The following SCN9A variants were observed in gnomAD, a reference collection of about 807,000 sequenced individuals.
SCN9A encodes the protein sodium channel protein type 9 subunit alpha.
Under a neutral mutation model 187.0 loss-of-function variants are expected in SCN9A, and 131 were observed. The observed-to-expected ratio is 0.70, with a 90% CI of 0.61 to 0.81. The LOEUF (loss-of-function observed/expected upper bound fraction) is 0.81, where lower values mean the gene tolerates loss of function less well. Among genes scored for constraint, SCN9A ranks in the 30% least tolerant of loss-of-function variants. The probability of loss-of-function intolerance (pLI) is 0.00; values close to 1 mark genes in which losing one functional copy is unlikely to be tolerated. For synonymous variants in SCN9A, 809 were observed against 808.6 expected, an observed-to-expected ratio of 1.00 and a Z score of -0.01; for missense variants, 2,252 against 2,396.6, an observed-to-expected ratio of 0.94 and a Z score of 1.26.
In SCN9A at chr2:166,286,573, A is replaced by G. The variant is rs201652242; in HGVS notation, c.1365T>C (p.Ile455=). 1.9e-6 allele frequency: 3 copies of G among 1,599,332 alleles called. No individual in the cohort carries two copies. Among genetic ancestry groups the G allele is most frequent in the Non-Finnish European group, 2.6e-6 (3 of 1,175,038 alleles). ...AEYTSIRRSR[I]MGLSESSSET... ...CAGAAGAACTCTCTGAGAGGCCCAT[A>G]ATTCTGCTTCTCCTAATACTTGTAT... The change falls in exon 11 of 27, where the codon ATT becomes ATC. Residue 455 remains isoleucine (I), a synonymous_variant. Transcript: ENST00000642356.
At position 166,269,617 on chromosome 2, in the gene SCN9A, T is replaced by C. The variant is rs887059563; in HGVS notation, c.3351+2782A>G. Among the ~76,000 whole-genome samples the C allele has an allele frequency of 5.3e-5, 8 of 152,146 alleles. 1 individual carries two copies. The East Asian group carries it at 1.6e-3, about 29-fold the overall frequency. ...AATAAAATCACTTCCTTTTAATGAGTCTGCTTTTTCAGTTAGAAAATGAAG... is the reference window on the plus strand; with the variant it reads ...AATAAAATCACTTCCTTTTAATGAGCCTGCTTTTTCAGTTAGAAAATGAAG... On this transcript the variant is annotated intron_variant, in intron 17 of 26. Coordinates refer to ENST00000642356, the MANE Select transcript of SCN9A (RefSeq NM_001365536.1).
At chr2:166,375,156 G>A (rs1270396265) in intron 1 of SCN9A, among the ~76,000 whole-genome samples, 2 of 152,098 alleles carry the variant, frequency 1.3e-5, no homozygotes, top group Non-Finnish European at 2.9e-5. Flanking sequence ...AATAATCTGC[G>A]CTGAGAAATA....
intron 17 of SCN9A, among the ~76,000 whole-genome samples, chr2:166,270,463 G>A (rs1696926324): frequency 6.6e-6 from 1 of 151,672 alleles, no homozygotes; most frequent in Non-Finnish European, 1.5e-5. Context: ...GGGATGACTA[G>A]ATTTGATTCC....
At position 166,299,603 on chromosome 2, in the gene SCN9A, G is replaced by T. The variant is rs993428901; in HGVS notation, c.901+3487C>A. ...TACCTGAATTCTAAATGTCAGAGTTGTAGATCTTGGTACCAGATTGCTTTA... is the reference window on the plus strand; with the variant it reads ...TACCTGAATTCTAAATGTCAGAGTTTTAGATCTTGGTACCAGATTGCTTTA... On this transcript the variant is annotated intron_variant, in intron 7 of 26. Transcript: ENST00000642356. 6.0e-5 allele frequency among the ~76,000 whole-genome samples: 9 copies of T among 150,576 alleles called. 1 individual carries two copies. Among genetic ancestry groups the T allele is most frequent in the Admixed American group, 2.0e-4 (3 of 15,188 alleles).
At chr2:166,357,135 C>T (rs1700168518) in intron 1 of SCN9A, among the ~76,000 whole-genome samples, 1 of 152,076 alleles carries the variant, frequency 6.6e-6, no homozygotes, top group South Asian at 2.1e-4. Flanking sequence ...TCCAATGGGC[C>T]CCAGTGTGTG....
chr2:166,323,415 C>T (rs1043203894), intron 1 of SCN9A, among the ~76,000 whole-genome samples: 4 of 152,080 alleles, frequency 2.6e-5, no homozygotes, highest in Admixed American at 6.5e-5. Context: ...CTTTCATCCC[C>T]AAGGTACTAT....
chr2:166,301,749 A>T (rs1397544337), intron 7 of SCN9A: 1 of 150,902 alleles, frequency 6.6e-6, no homozygotes, highest in Non-Finnish European at 1.5e-5. Flanking sequence ...TTTACAGCAT[A>T]TAAATTAAGA....
At chr2:166,299,997 T>C (rs1327814564) in intron 7 of SCN9A, among the ~76,000 whole-genome samples, 1 of 150,580 alleles carries the variant, frequency 6.6e-6, no homozygotes, top group Non-Finnish European at 1.5e-5. Context: ...GCTCATCTTT[T>C]TTCTCTTCAT....
rs548701214 is a variant in SCN9A at position 166,289,343 on chromosome 2, C to G, written c.1108-700G>C. On this transcript the variant is annotated intron_variant, in intron 9 of 26. Transcript: ENST00000642356. Reference sequence around the variant, plus strand: ...TAATGCTATTCCTCCCTTTGCCCCCCACCACCGACAGGCCCCAGTGTGTGA... The same window carrying G: ...TAATGCTATTCCTCCCTTTGCCCCCGACCACCGACAGGCCCCAGTGTGTGA... Among the ~76,000 whole-genome samples, 9 of 151,904 alleles carry G rather than the reference C, an allele frequency of 5.9e-5. No homozygotes were observed. In the East Asian group the frequency reaches 9.7e-4, roughly 16 times the overall value.
rs1458157303 is a variant in SCN9A at position 166,199,138 on chromosome 2, T to C, written c.5501A>G (p.Asp1834Gly). The C allele has an allele frequency of 6.2e-7, 1 of 1,614,050 alleles. No individual in the cohort carries two copies. The highest frequency in any genetic ancestry group is 8.5e-7 in the Non-Finnish European group (1 of 1,180,050). ...TAAGATGTCAAGACAATGGATCCGG[T>C]CACCACTAACCATGGGCAGATCCAT... is the stretch of plus-strand genomic sequence containing the variant. ...IAMDLPMVSGDRIHCLDILFA... is the reference protein window; with the variant it reads ...IAMDLPMVSGGRIHCLDILFA... The change falls in exon 27 of 27, where the codon GAC (aspartate) becomes GGC (glycine). Residue 1834 changes from aspartate (D) to glycine (G), a missense_variant. Physicochemically the swap from Asp to Gly is moderately conservative, Grantham distance 94. This residue lies in a region of SCN9A where 345 missense variants were observed against 344.6 expected (regional missense o/e 1.00). Coordinates refer to ENST00000642356, the MANE Select transcript of SCN9A (RefSeq NM_001365536.1).
chr2:166,254,715 A>C (rs1397667330), intron 17 of SCN9A, among the ~76,000 whole-genome samples: 1 of 151,550 alleles, frequency 6.6e-6, no homozygotes, highest in Non-Finnish European at 1.5e-5. Context: ...AGAGAAGTGA[A>C]ATAAATGCTT....
At chr2:166,219,394 A>G (rs1257558460) in intron 24 of SCN9A, among the ~76,000 whole-genome samples, 1 of 152,170 alleles carries the variant, frequency 6.6e-6, no homozygotes, top group Non-Finnish European at 1.5e-5. Flanking sequence ...GCCATTCAAA[A>G]AAAAACGAGA....
chr2:166,226,163 C>T (rs1022623777), intron 24 of SCN9A, among the ~76,000 whole-genome samples: 86 of 152,062 alleles, frequency 5.7e-4, no homozygotes, highest in East Asian at 3.9e-4. Flanking sequence ...CCATATCTTA[C>T]GTTGGTCTCC....
chr2:166,309,516 T>C (rs1426241845), intron 2 of SCN9A, among the ~76,000 whole-genome samples: 1 of 152,048 alleles, frequency 6.6e-6, no homozygotes, highest in Non-Finnish European at 1.5e-5. Context: ...TCAAAGAGAA[T>C]AAAATACCTA....
chr2:166,338,441 T>G (rs1699683642), intron 1 of SCN9A, among the ~76,000 whole-genome samples: 1 of 152,148 alleles, frequency 6.6e-6, no homozygotes, highest in African/African-American at 2.4e-5. Context: ...GTTCTATACT[T>G]ATGCTATTTG....
At chr2:166,350,522 G>A (rs1206916913) in intron 1 of SCN9A, among the ~76,000 whole-genome samples, 1 of 152,184 alleles carries the variant, frequency 6.6e-6, no homozygotes, top group Non-Finnish European at 1.5e-5. Flanking sequence ...ATGCATAGGG[G>A]TATACTTTAG....
intron 15 of SCN9A, 27 bp from the exon 16 acceptor site, chr2:166,277,366 T>A (rs749047226): frequency 2.8e-6 from 4 of 1,452,406 alleles, no homozygotes; most frequent in Non-Finnish European, 3.8e-6. Flanking sequence ...AGTTTAATGT[T>A]AATCACTATG....
At chr2:166,267,977 C>T (rs1010922732) in intron 17 of SCN9A, among the ~76,000 whole-genome samples, 4 of 151,894 alleles carry the variant, frequency 2.6e-5, no homozygotes, top group African/African-American at 9.7e-5. Context: ...ATAAAGTCCC[C>T]AAGTATGTCT....
At chr2:166,291,308 G>T (rs987251442) in intron 9 of SCN9A, among the ~76,000 whole-genome samples, 1 of 152,002 alleles carries the variant, frequency 6.6e-6, no homozygotes, top group Non-Finnish European at 1.5e-5. Flanking sequence ...GCCAAATCAT[G>T]AATAAACTCC....
Sources: gnomAD v4.1 joint callset for allele counts (sites outside exome capture counted in the v4.1 genomes callset) on GRCh38, gnomAD v4.1.1 for gene constraint, gnomAD v4.1.1 regional missense constraint, MANE v1.5 for transcripts, NCBI Gene and HGNC (gene_info 2026-07-23, HGNC 2026-07-21) for gene names.